GRM8: variants seen among roughly 807,000 people sequenced by gnomAD.
GRM8 encodes glutamate metabotropic receptor 8.
In GRM8, 47 loss-of-function variants were observed where a neutral mutation model predicts 87.2. The ratio of observed to expected loss-of-function variants is 0.54; its 90% CI spans 0.43 to 0.69. The LOEUF (loss-of-function observed/expected upper bound fraction) is 0.69. Among genes scored for constraint, GRM8 ranks in the 30% least tolerant of loss-of-function variants. GRM8 has a pLI of 0.00. For synonymous variants in GRM8, 396 were observed against 404.5 expected, an observed-to-expected ratio of 0.98 and a Z score of 0.25; for missense variants, 1,019 against 1,139.2, an observed-to-expected ratio of 0.89 and a Z score of 1.52.
At chr7:126,720,693 T>C (rs1215350488) in intron 7 of GRM8, among the ~76,000 whole-genome samples, 3 of 152,186 alleles carry the variant, frequency 2.0e-5, no homozygotes, top group Non-Finnish European at 2.9e-5. Flanking sequence ...TTAGTGTTTA[T>C]AAATAGACAA....
chr7:126,617,575 G>A lies in GRM8; in HGVS notation c.1358-8077C>T, dbSNP rs373312053. On this transcript the variant is annotated intron_variant, in intron 7 of 10. Transcript: ENST00000339582. ...TAAAGGGTATTCAATTAGGAAAAGA[G>A]GAAGTCAAATTGTCCCTGTTTGCAG... Among the ~76,000 whole-genome samples the A allele has an allele frequency of 2.8e-4, 43 of 152,268 alleles. 2 individuals carry two copies. The East Asian group carries it at 6.4e-3, about 23-fold the overall frequency.
rs890303317 is a variant in GRM8 at position 126,533,372 on chromosome 7, T to C, written c.2010A>G (p.Thr670=). 1.9e-6 allele frequency: 3 copies of C among 1,614,012 alleles called. No individual in the cohort carries two copies. Among genetic ancestry groups the C allele is most frequent in the Admixed American group, 3.3e-5 (2 of 60,018 alleles). ...CFSYAALLTK[T]NRIHRIFEQG... ...GCTCAAATATTCGGTGGATACGGTT[T>C]GTTTTGGTCAGAAGGGCTGCATAGC... is the stretch of plus-strand genomic sequence containing the variant. Residue 670 remains threonine (T), a synonymous_variant, in exon 9 of 11, where the codon ACA becomes ACG. Transcript: ENST00000339582.
chr7:126,524,902 C>T (rs948617208), intron 9 of GRM8, among the ~76,000 whole-genome samples: 2 of 152,150 alleles, frequency 1.3e-5, no homozygotes, highest in African/African-American at 4.8e-5. Context: ...TCTTGATTCA[C>T]TCTTAAAATG....
chr7:126,966,895 A>G (rs1563362782), intron 3 of GRM8, among the ~76,000 whole-genome samples: 1 of 152,214 alleles, frequency 6.6e-6, no homozygotes, highest in Non-Finnish European at 1.5e-5. Context: ...TGGGGCAGGA[A>G]CAGCGGTAGA....
At chr7:126,894,530 A>C (rs1273836384) in intron 6 of GRM8, among the ~76,000 whole-genome samples, 3 of 152,054 alleles carry the variant, frequency 2.0e-5, no homozygotes, top group African/African-American at 7.2e-5. Context: ...TTCTGAAAAA[A>C]TGTGAGTATT....
rs113878193 is a variant in GRM8, at chr7:126,600,509, C to T, written c.1494+8853G>A. The stretch of plus-strand genomic sequence containing the variant: ...TGATGCCCTGCCATGGACTATCATC[C>T]TGCCTGGCAGGGAACAGTCACTGAA... On this transcript the variant is annotated intron_variant, in intron 8 of 10. Transcript: ENST00000339582. 3.2e-3 allele frequency among the ~76,000 whole-genome samples: 494 copies of T among 152,268 alleles called. 2 individuals carry two copies. The highest frequency in any genetic ancestry group is 4.4e-3 in the Non-Finnish European group (298 of 68,006).
At chr7:126,553,864 T>C (rs1348905939) in intron 8 of GRM8, among the ~76,000 whole-genome samples, 1 of 152,090 alleles carries the variant, frequency 6.6e-6, no homozygotes, top group African/African-American at 2.4e-5. Flanking sequence ...CACTTAAACA[T>C]AAGAGGAAAG....
At chr7:127,251,774 G>C (rs542085328) in intron 1 of GRM8, among the ~76,000 whole-genome samples, 4 of 152,016 alleles carry the variant, frequency 2.6e-5, no homozygotes, top group Admixed American at 1.3e-4. Flanking sequence ...GAGCTGTTGG[G>C]GTGCGTTTGC....
intron 3 of GRM8, among the ~76,000 whole-genome samples, chr7:127,047,725 A>T (rs754156459): frequency 1.3e-5 from 2 of 152,152 alleles, no homozygotes; most frequent in African/African-American, 2.4e-5. Context: ...CAGCTACTGG[A>T]GCAGCTGAGG....
At chr7:126,983,574 G>T (rs940234928) in intron 3 of GRM8, among the ~76,000 whole-genome samples, 2 of 152,100 alleles carry the variant, frequency 1.3e-5, no homozygotes, top group Non-Finnish European at 2.9e-5. Context: ...TAAGTCAACA[G>T]GCTAAGAAGG....
chr7:126,798,758 T>C (rs1304181119), intron 6 of GRM8, among the ~76,000 whole-genome samples: 1 of 152,058 alleles, frequency 6.6e-6, no homozygotes, highest in Non-Finnish European at 1.5e-5. Flanking sequence ...TCCTGACACA[T>C]CACTGAGGAC....
At chr7:126,701,341 G>A (rs17150116) in intron 7 of GRM8, among the ~76,000 whole-genome samples, 4,227 of 152,162 alleles carry the variant, frequency 0.028, 212 homozygotes, top group African/African-American at 0.096. Context: ...AGCTTTTATC[G>A]TAGTTAATGC....
chr7:126,478,532 GT>G (rs1157067831), intron 9 of GRM8, among the ~76,000 whole-genome samples: 1 of 151,672 alleles, frequency 6.6e-6, no homozygotes, highest in East Asian at 1.9e-4. Context: ...AATTTTCATG[GT>G]TTTTGTATAT....
At chr7:126,904,464 C>G in intron 4 of GRM8, 84 bp downstream of exon 4, 1 of 1,339,506 alleles carries the variant, frequency 7.5e-7, no homozygotes, top group Admixed American at 1.9e-5. Context: ...CAATTACAAG[C>G]TTTTATGTTG....
rs182173909 is a variant in GRM8, at chr7:127,009,792, T to A, written c.727+96704A>T. Among the ~76,000 whole-genome samples the A allele has an allele frequency of 9.9e-4, 151 of 152,270 alleles. 1 individual carries two copies. The highest frequency in any genetic ancestry group is 3.5e-3 in the African/African-American group (146 of 41,566). The stretch of plus-strand genomic sequence containing the variant: ...AAAGAAGTCATTCTCCTTTAAATTC[T>A]TTTCAACCCGTATAGCATGGTCAGA... On this transcript the variant is annotated intron_variant, in intron 3 of 10. Coordinates refer to ENST00000339582, the MANE Select transcript of GRM8 (RefSeq NM_000845.3).
intron 2 of GRM8, among the ~76,000 whole-genome samples, chr7:127,183,942 G>A (rs1346070356): frequency 6.6e-6 from 1 of 151,768 alleles, no homozygotes; most frequent in Non-Finnish European, 1.5e-5. Flanking sequence ...ATTCTTCAAA[G>A]ACACAACTAC....
rs905697202 is a variant in GRM8, at chr7:127,051,789, A to G, written c.727+54707T>C. ...AAGCAGGTTATAAAACAATGCATAC[A>G]TTTTGATAACATTTATATAGTATTT... On this transcript the variant is annotated intron_variant, in intron 3 of 10. Transcript: ENST00000339582. Among the ~76,000 whole-genome samples, 126 of 150,150 alleles carry G rather than the reference A, an allele frequency of 8.4e-4. 4 individuals carry two copies. Among genetic ancestry groups the G allele is most frequent in the Admixed American group, 8.2e-3 (123 of 14,992 alleles).
chr7:127,061,630 CT>C (rs1820601697), intron 3 of GRM8, among the ~76,000 whole-genome samples: 1 of 152,120 alleles, frequency 6.6e-6, no homozygotes, highest in Non-Finnish European at 1.5e-5. Context: ...CCTGCTGATG[CT>C]TGTGGAAGCT....
chr7:126,477,638 A>AG (rs1563051485), intron 9 of GRM8, among the ~76,000 whole-genome samples: 37 of 150,398 alleles, frequency 2.5e-4, no homozygotes, highest in Non-Finnish European at 4.2e-4. Flanking sequence ...AAAGAAAGAA[A>AG]AAACGAAAGA....
Sources: allele counts gnomAD v4.1 joint callset (sites outside exome capture counted in the v4.1 genomes callset), GRCh38; gene constraint gnomAD v4.1.1; transcripts MANE v1.5; gene names NCBI Gene and HGNC (gene_info 2026-07-23, HGNC 2026-07-21).